VEGFC: variants seen among roughly 807,000 people sequenced by gnomAD.
VEGFC encodes the protein FLT4 ligand DHM.
A neutral mutation model predicts 46.1 loss-of-function variants in VEGFC; 12 were observed. The observed-to-expected ratio is 0.26, with a 90% confidence interval of 0.17 to 0.42. VEGFC has a LOEUF of 0.42. Ranked by LOEUF, VEGFC falls within the 10% of genes least tolerant of loss-of-function variation. The pLI, the probability that VEGFC is intolerant of heterozygous loss-of-function variation, is 1.00. For missense variants in VEGFC, 488 were observed against 529.4 expected (o/e 0.92, Z 0.77); for synonymous variants, 232 against 195.5 (o/e 1.19, Z -1.56).
Position 176,740,083 on chromosome 4 carries a change from TTC to T in VEGFC, c.148-10339_148-10338del, listed in dbSNP as rs1370130785. 9.2e-5 allele frequency among the ~76,000 whole-genome samples: 9 copies of T among 97,888 alleles called. 1 individual carries two copies. The highest frequency in any genetic ancestry group is 1.9e-4 in the Non-Finnish European group (9 of 48,032). The allele number at this position is 97,888 out of a possible 152,430, so 64.2% of individuals were successfully genotyped here. A position where few individuals can be genotyped will look rare whatever the true frequency, so the allele number is the denominator to read the frequency against. Reference sequence around the variant, plus strand: ...AATATATATAACTATATATTATATATTCTATATATTCTATACATATATTCTAT... The same window carrying T: ...AATATATATAACTATATATTATATATTATATATTCTATACATATATTCTAT... On this transcript the variant is annotated intron_variant, in intron 1 of 6. Coordinates refer to ENST00000618562, the MANE Select transcript of VEGFC (RefSeq NM_005429.5).
At chr4:176,750,460 A>C (rs1735323788) in intron 1 of VEGFC, among the ~76,000 whole-genome samples, 1 of 151,776 alleles carries the variant, frequency 6.6e-6, no homozygotes, top group Non-Finnish European at 1.5e-5. Flanking sequence ...TAGTAATACT[A>C]ATGCCAGTAA....
At chr4:176,743,718 C>G (rs1735215332) in intron 1 of VEGFC, among the ~76,000 whole-genome samples, 1 of 151,482 alleles carries the variant, frequency 6.6e-6, no homozygotes, top group Non-Finnish European at 1.5e-5. Context: ...TCAGCTTCTA[C>G]TGTTTTATTC....
chr4:176,789,968 A>G (rs1736063551), intron 1 of VEGFC, among the ~76,000 whole-genome samples: 1 of 152,212 alleles, frequency 6.6e-6, no homozygotes, highest in African/African-American at 2.4e-5. Flanking sequence ...ACCTTCTGAA[A>G]TATTTTCTTG....
At chr4:176,748,358 A>G (rs947464571) in intron 1 of VEGFC, among the ~76,000 whole-genome samples, 3 of 152,126 alleles carry the variant, frequency 2.0e-5, no homozygotes, top group Non-Finnish European at 4.4e-5. Flanking sequence ...AAAATCTGCT[A>G]TACTTGTGGC....
At chr4:176,789,675 C>T (rs77279547) in intron 1 of VEGFC, among the ~76,000 whole-genome samples, 2,961 of 152,240 alleles carry the variant, frequency 0.019, 81 homozygotes, top group African/African-American at 0.067. Context: ...TTCAGAGAAA[C>T]ATTTTAAGAC....
At chr4:176,697,240 CA>C (rs1734332514) in intron 4 of VEGFC, among the ~76,000 whole-genome samples, 1 of 149,406 alleles carries the variant, frequency 6.7e-6, no homozygotes, top group African/African-American at 2.5e-5. Context: ...ACTCATCTGA[CA>C]AAGGGCTAAT....
intron 4 of VEGFC, among the ~76,000 whole-genome samples, chr4:176,693,139 C>G (rs1268086250): frequency 6.6e-6 from 1 of 152,058 alleles, no homozygotes; most frequent in African/African-American, 2.4e-5. Flanking sequence ...ATAACTTTGA[C>G]GAGCTGCGAG....
At chr4:176,719,122 A>G (rs1734740284) in intron 3 of VEGFC, among the ~76,000 whole-genome samples, 3 of 152,140 alleles carry the variant, frequency 2.0e-5, no homozygotes, top group Admixed American at 6.6e-5. Context: ...TGGCTTCCTC[A>G]CACGCCCTGA....
At chr4:176,769,119 G>A (rs1357075876) in intron 1 of VEGFC, among the ~76,000 whole-genome samples, 1 of 152,094 alleles carries the variant, frequency 6.6e-6, no homozygotes, top group East Asian at 1.9e-4. Flanking sequence ...CCATGTGAGG[G>A]GGACGTGCAA....
intron 1 of VEGFC, among the ~76,000 whole-genome samples, chr4:176,791,335 T>G (rs1438618039): frequency 2.0e-5 from 3 of 152,158 alleles, no homozygotes; most frequent in Non-Finnish European, 4.4e-5. Flanking sequence ...TAGATAAAGA[T>G]ATACTCTTTT....
intron 1 of VEGFC, among the ~76,000 whole-genome samples, chr4:176,746,957 A>G (rs1735267640): frequency 6.6e-6 from 1 of 152,150 alleles, no homozygotes; most frequent in Non-Finnish European, 1.5e-5. Flanking sequence ...GATATCACAG[A>G]GATATGCACT....
At chr4:176,696,715 C>T (rs1186761312) in intron 4 of VEGFC, among the ~76,000 whole-genome samples, 1 of 152,018 alleles carries the variant, frequency 6.6e-6, no homozygotes, top group Non-Finnish European at 1.5e-5. Context: ...GGAGGCATCA[C>T]CCTACCTGAC....
At chr4:176,717,349 C>T (rs1260636266) in intron 3 of VEGFC, among the ~76,000 whole-genome samples, 1 of 152,018 alleles carries the variant, frequency 6.6e-6, no homozygotes, top group Non-Finnish European at 1.5e-5. Context: ...CAAGTGTTTC[C>T]AACTGAGAGG....
chr4:176,725,816 G>A (rs954379130), intron 3 of VEGFC, among the ~76,000 whole-genome samples: 1 of 152,014 alleles, frequency 6.6e-6, no homozygotes, highest in Non-Finnish European at 1.5e-5. Context: ...TTCCCATTAA[G>A]AGGTTTGGCT....
In VEGFC at chr4:176,788,016, G is replaced by A. The variant is rs567977699; in HGVS notation, c.147+4149C>T. Among the ~76,000 whole-genome samples, 13 of 152,294 alleles carry A rather than the reference G, an allele frequency of 8.5e-5. No homozygotes were observed. The South Asian group carries it at 1.7e-3, about 19-fold the overall frequency. On this transcript the variant is annotated intron_variant, in intron 1 of 6. Transcript: ENST00000618562. ...CAAGGAATAATGTAACTGGTGAAAG[G>A]TGAAACAATATATGCTCAGAAGTCA...
chr4:176,729,431 G>A, intron 2 of VEGFC, 102 bp downstream of exon 2: 2 of 900,166 alleles, frequency 2.2e-6, no homozygotes, highest in South Asian at 1.9e-5. Context: ...CCGCCCTAAA[G>A]GTGTATTCGG....
intron 4 of VEGFC, among the ~76,000 whole-genome samples, chr4:176,703,513 T>C (rs745622477): frequency 8.1e-4 from 124 of 152,158 alleles, no homozygotes; most frequent in Admixed American, 2.0e-3. Flanking sequence ...AGGTTGGTAA[T>C]GCATTCCAAA....
intron 4 of VEGFC, among the ~76,000 whole-genome samples, chr4:176,706,629 A>C (rs1276001017): frequency 4.2e-5 from 1 of 24,044 alleles, no homozygotes; most frequent in Non-Finnish European, 5.1e-4. Flanking sequence ...CTGTCTCAAA[A>C]AAAAAAAAAA....
intron 1 of VEGFC, among the ~76,000 whole-genome samples, chr4:176,759,031 G>A (rs1027486986): frequency 6.6e-6 from 1 of 152,110 alleles, no homozygotes; most frequent in Non-Finnish European, 1.5e-5. Flanking sequence ...TGCCCTAAGA[G>A]AGTTTCCCAT....
Sources: allele counts gnomAD v4.1 joint callset (sites outside exome capture counted in the v4.1 genomes callset), GRCh38; gene constraint gnomAD v4.1.1; transcripts MANE v1.5; gene names NCBI Gene and HGNC (gene_info 2026-07-23, HGNC 2026-07-21).